Variants in CCDC112 observed in about 807,000 individuals in gnomAD.
CCDC112 encodes coiled-coil domain-containing protein 112.
A neutral mutation model predicts 66.3 loss-of-function variants in CCDC112; 40 were observed. The observed-to-expected ratio is 0.60, with a 90% CI of 0.47 to 0.79. CCDC112 has a LOEUF of 0.79. Ranked by LOEUF, CCDC112 falls within the 30% of genes least tolerant of loss-of-function variation. The pLI, the probability that CCDC112 is intolerant of heterozygous loss-of-function variation, is 0.00. For missense variants in CCDC112, 659 were observed against 603.8 expected (o/e 1.09, Z -0.96); for synonymous variants, 214 against 197.2 (o/e 1.09, Z -0.71).
intron 1 of CCDC112, among the ~76,000 whole-genome samples, chr5:115,292,093 T>C (rs1400110754): frequency 1.3e-5 from 2 of 152,174 alleles, no homozygotes; most frequent in African/African-American, 4.8e-5. Flanking sequence ...TTCCTCCTTT[T>C]TTCTCCTTTC....
chr5:115,276,872 A>T, intron 4 of CCDC112, 93 bp downstream of exon 4: 1 of 739,046 alleles, frequency 1.4e-6, no homozygotes, highest in Non-Finnish European at 2.2e-6. Context: ...TAATAAACTT[A>T]AGTCCTAACC....
chr5:115,271,140 TGC>T, intron 7 of CCDC112, 71 bp downstream of exon 7: 2 of 1,389,082 alleles, frequency 1.4e-6, no homozygotes, highest in African/African-American at 1.4e-5. Context: ...ACTCAATTTT[TGC>T]TTAACTGAAT....
At chr5:115,271,166 C>G (rs1345848136) in intron 7 of CCDC112, 47 bp downstream of exon 7, 1 of 1,499,534 alleles carries the variant, frequency 6.7e-7, no homozygotes, top group Non-Finnish European at 8.9e-7. Flanking sequence ...GAAGTAATAC[C>G]TCCATGTGTA....
intron 2 of CCDC112, among the ~76,000 whole-genome samples, chr5:115,281,027 T>A (rs2127063334): frequency 7.1e-6 from 1 of 141,610 alleles, no homozygotes; most frequent in South Asian, 2.2e-4. Context: ...CATAGAGAAT[T>A]TTTTTTTTTT....
intron 4 of CCDC112, among the ~76,000 whole-genome samples, chr5:115,276,585 A>AACAT (rs1455193238): frequency 6.6e-6 from 1 of 152,192 alleles, no homozygotes; most frequent in African/African-American, 2.4e-5. Context: ...ATGAAGGGAA[A>AACAT]ACACTGGGAC....
chr5:115,269,814 C>A lies in CCDC112; in HGVS notation c.1333-16G>T, dbSNP rs763892812. The stretch of plus-strand genomic sequence containing the variant: ...TATGTAAATCCTTAAAAAAAAAAAC[C>A]CATAGCATTAAGAAAGCATGTGAAC... On this transcript the variant is annotated splice_polypyrimidine_tract_variant and intron_variant, in intron 7 of 9. Transcript: ENST00000379611. 4 of 1,409,968 alleles carry A rather than the reference C, an allele frequency of 2.8e-6. No homozygotes were observed. The highest frequency in any genetic ancestry group is 1.3e-5 in the South Asian group (1 of 75,584). The allele number at this position is 1,409,968 out of a possible 1,614,324, so 87.3% of individuals were successfully genotyped here. A position where few individuals can be genotyped will look rare whatever the true frequency, so the allele number is the denominator to read the frequency against.
At chr5:115,283,627 TGGGGGAAAA>T (rs2127066408) in intron 2 of CCDC112, among the ~76,000 whole-genome samples, 1 of 152,114 alleles carries the variant, frequency 6.6e-6, no homozygotes, top group South Asian at 2.1e-4. Flanking sequence ...TCAATAAAAG[TGGGGGAAAA>T]GACAAAAGTA....
intron 1 of CCDC112, among the ~76,000 whole-genome samples, chr5:115,291,689 G>A (rs185746257): frequency 7.2e-5 from 11 of 152,286 alleles, no homozygotes; most frequent in Admixed American, 6.5e-4. Context: ...TCCTTTTAAT[G>A]TAGGGCAATT....
chr5:115,291,676 G>T (rs1749937621), intron 1 of CCDC112, among the ~76,000 whole-genome samples: 2 of 152,254 alleles, frequency 1.3e-5, no homozygotes. Context: ...TAGCTTGAAG[G>T]ACTCCTTTTA....
chr5:115,292,344 T>C (rs1027126141), intron 1 of CCDC112, among the ~76,000 whole-genome samples: 2 of 151,626 alleles, frequency 1.3e-5, no homozygotes, highest in Non-Finnish European at 2.9e-5. Flanking sequence ...AATTTCTACT[T>C]GATTCTTTTT....
chr5:115,274,623 G>A (rs747497803), intron 6 of CCDC112, among the ~76,000 whole-genome samples: 6 of 152,118 alleles, frequency 3.9e-5, no homozygotes, highest in Non-Finnish European at 5.9e-5. Context: ...AAGTGGATAC[G>A]GAGGACTGGA....
chr5:115,271,657 G>T, intron 6 of CCDC112, 31 bp from the exon 7 acceptor site: 1 of 1,432,740 alleles, frequency 7.0e-7, no homozygotes, highest in Non-Finnish European at 9.2e-7. Context: ...AAGAAAGCAA[G>T]AGAAAAAAGT....
intron 1 of CCDC112, among the ~76,000 whole-genome samples, chr5:115,287,611 C>A (rs188839404): frequency 1.8e-4 from 28 of 152,078 alleles, no homozygotes; most frequent in African/African-American, 6.7e-4. Context: ...GTCCAGTCAA[C>A]CTGAGCCCGA....
chr5:115,283,275 T>C (rs780092847), intron 2 of CCDC112, among the ~76,000 whole-genome samples: 8 of 152,064 alleles, frequency 5.3e-5, no homozygotes, highest in Non-Finnish European at 8.8e-5. Context: ...CTCCCCATTA[T>C]CCCCACTCCC....
intron 1 of CCDC112, among the ~76,000 whole-genome samples, chr5:115,292,365 A>C (rs1749969040): frequency 8.1e-6 from 1 of 123,918 alleles, no homozygotes; most frequent in Non-Finnish European, 1.9e-5. Context: ...TAAATGTTTA[A>C]TTTCTTTAAA....
intron 1 of CCDC112, among the ~76,000 whole-genome samples, chr5:115,288,183 G>T (rs2127072120): frequency 6.6e-6 from 1 of 152,262 alleles, no homozygotes; most frequent in African/African-American, 2.4e-5. Flanking sequence ...GTTTTGCCAT[G>T]CTGGCCAGGC....
At position 115,296,299 on chromosome 5, in the gene CCDC112, C is replaced by G. The variant is rs890256693; in HGVS notation, c.117+128G>C. On this transcript the variant is annotated intron_variant, in intron 1 of 9. Transcript: ENST00000379611. ...AGCCAACAAAGAGCAACGCCCAGCG[C>G]GTGCCAGGCCCCGAGCAGGGGAGGC... 2.2e-6 allele frequency: 3 copies of G among 1,338,794 alleles called. No homozygotes were observed. In the African/African-American group the frequency reaches 4.6e-5, roughly 21 times the overall value. The allele number at this position is 1,338,794 out of a possible 1,614,324, so 82.9% of individuals were successfully genotyped here. A position where few individuals can be genotyped will look rare whatever the true frequency, so the allele number is the denominator to read the frequency against.
rs1318594332 is a variant in CCDC112, at chr5:115,267,813, C to G, written c.*63G>C. The G allele has an allele frequency of 2.0e-5, 25 of 1,277,014 alleles. No individual in the cohort carries two copies. Among genetic ancestry groups the G allele is most frequent in the Non-Finnish European group, 2.9e-5 (25 of 874,080 alleles). The allele number at this position is 1,277,014 out of a possible 1,614,324, so 79.1% of individuals were successfully genotyped here. On this transcript the variant is annotated 3_prime_UTR_variant, in exon 10 of 10. Transcript: ENST00000379611. ...GATATTTAAAGAATGTGGTTAGTCA[C>G]TCTCTCCCTGGTATAACTTAGTATG...
chr5:115,270,636 A>G (rs368439277), intron 7 of CCDC112, among the ~76,000 whole-genome samples: 2 of 152,224 alleles, frequency 1.3e-5, no homozygotes, highest in East Asian at 3.8e-4. Flanking sequence ...AGCCTACATT[A>G]TGGTGGGGAA....
Sources: gnomAD v4.1 joint callset for allele counts (sites outside exome capture counted in the v4.1 genomes callset) on GRCh38, gnomAD v4.1.1 for gene constraint, MANE v1.5 for transcripts, NCBI Gene and HGNC (gene_info 2026-07-23, HGNC 2026-07-21) for gene names.